The following ACSL3 variants were observed in gnomAD, a reference collection of about 807,000 sequenced individuals.
ACSL3 encodes fatty acid CoA ligase Acsl3.
A neutral mutation model predicts 84.7 loss-of-function variants in ACSL3; 34 were observed. The ratio of observed to expected loss-of-function variants is 0.40; its 90% CI spans 0.31 to 0.53. The LOEUF is 0.53. Ranked by LOEUF, ACSL3 falls within the 20% of genes least tolerant of loss-of-function variation. The probability of loss-of-function intolerance (pLI) is 0.48; values close to 1 mark genes in which losing one functional copy is unlikely to be tolerated. For synonymous variants in ACSL3, 315 were observed against 299.4 expected (o/e 1.05, Z -0.54); for missense variants, 680 against 873.1 (o/e 0.78, Z 2.79).
In ACSL3 at chr2:222,899,570, G is replaced by A. The variant is rs533670970; in HGVS notation, c.-147-1104G>A. ...TGAAGGGAAGGTTCTCGGATCTTGC[G>A]CAAGAAAGAATTCAGGGCGAGTCCA... is the stretch of plus-strand genomic sequence containing the variant. On this transcript the variant is annotated intron_variant, in intron 2 of 16. Transcript: ENST00000357430. Among the ~76,000 whole-genome samples, 67 of 152,266 alleles carry A rather than the reference G, an allele frequency of 4.4e-4. No homozygotes were observed. In the South Asian group the frequency reaches 8.3e-3, roughly 19 times the overall value.
At chr2:222,932,435 TCTC>T (rs1697056708) in intron 14 of ACSL3, among the ~76,000 whole-genome samples, 1 of 152,182 alleles carries the variant, frequency 6.6e-6, no homozygotes, top group Non-Finnish European at 1.5e-5. Context: ...TTCACGCAAT[TCTC>T]CTGCCTCAGC....
chr2:222,940,914 T>TA (rs927089758), intron 16 of ACSL3, among the ~76,000 whole-genome samples: 1 of 151,628 alleles, frequency 6.6e-6, no homozygotes, highest in African/African-American at 2.4e-5. Flanking sequence ...TTTTTTTTTT[T>TA]AAATGAGATG....
intron 1 of ACSL3, among the ~76,000 whole-genome samples, chr2:222,879,389 A>G (rs1695534685): frequency 6.6e-6 from 1 of 151,466 alleles, no homozygotes; most frequent in African/African-American, 2.4e-5. Context: ...GCTATCTACA[A>G]CATTTTCATT....
Position 222,919,099 on chromosome 2 carries a change from C to T in ACSL3, c.702C>T (p.Ile234=). 6.2e-7 allele frequency: 1 copy of T among 1,614,160 alleles called. No homozygotes were observed. Among genetic ancestry groups the T allele is most frequent in the Non-Finnish European group, 8.5e-7 (1 of 1,180,016 alleles). The stretch of plus-strand genomic sequence containing the variant: ...CTTTGGTCCCACGCCTGCGGCACAT[C>T]ATCACTGTTGATGGAAAGCCACCGA... The part of the protein sequence containing the change: ...IVSLVPRLRH[I]ITVDGKPPTW... The change falls in exon 7 of 17, where the codon ATC becomes ATT. Residue 234 remains isoleucine (I), a synonymous_variant. Transcript: ENST00000357430.
chr2:222,910,636 T>C (rs919286390), intron 4 of ACSL3, among the ~76,000 whole-genome samples: 3 of 152,228 alleles, frequency 2.0e-5, no homozygotes, highest in Non-Finnish European at 4.4e-5. Context: ...AGCAAGTTGA[T>C]GTCAGTAATT....
At chr2:222,882,949 A>G (rs905171347) in intron 1 of ACSL3, among the ~76,000 whole-genome samples, 2 of 147,194 alleles carry the variant, frequency 1.4e-5, no homozygotes, top group Non-Finnish European at 3.0e-5. Context: ...TGGTATTTTT[A>G]GTAGCAATGG....
At chr2:222,894,043 G>A (rs1430987265) in intron 2 of ACSL3, among the ~76,000 whole-genome samples, 1 of 152,090 alleles carries the variant, frequency 6.6e-6, no homozygotes, top group Non-Finnish European at 1.5e-5. Context: ...TTGAAAAATT[G>A]GGAGTTGTTA....
At chr2:222,924,650 G>A (rs1696827925) in intron 11 of ACSL3, 55 bp downstream of exon 11, 1 of 1,469,668 alleles carries the variant, frequency 6.8e-7, no homozygotes, top group African/African-American at 1.5e-5. Flanking sequence ...TAATCATTTA[G>A]TTCACATTAA....
intron 15 of ACSL3, 65 bp from the exon 16 acceptor site, chr2:222,934,465 A>G (rs543763361): frequency 7.7e-7 from 1 of 1,304,846 alleles, no homozygotes; most frequent in African/African-American, 1.5e-5. Flanking sequence ...TGTCACTGTA[A>G]TAATAACTGC....
At chr2:222,888,776 T>G (rs1695777842) in intron 2 of ACSL3, among the ~76,000 whole-genome samples, 1 of 152,246 alleles carries the variant, frequency 6.6e-6, no homozygotes. Flanking sequence ...CCAGACGCTT[T>G]GTTTGCGACG....
intron 7 of ACSL3, chr2:222,921,012 T>A (rs971736595): frequency 3.6e-6 from 2 of 561,312 alleles, no homozygotes; most frequent in Non-Finnish European, 7.0e-6. Context: ...GGCTTTTCCA[T>A]CCAAATAGCA....
chr2:222,916,667 T>C (rs867722158), intron 5 of ACSL3, 171 bp downstream of exon 5: 1 of 661,972 alleles, frequency 1.5e-6, no homozygotes, highest in South Asian at 3.0e-5. Context: ...AAATCAATTA[T>C]ATGACAAATT....
intron 3 of ACSL3, among the ~76,000 whole-genome samples, chr2:222,905,357 T>C (rs1307732267): frequency 6.6e-6 from 1 of 152,154 alleles, no homozygotes; most frequent in African/African-American, 2.4e-5. Flanking sequence ...GATGAGGTTT[T>C]ACTATATTGC....
chr2:222,935,620 T>C (rs1399405045), intron 16 of ACSL3, among the ~76,000 whole-genome samples: 2 of 152,194 alleles, frequency 1.3e-5, no homozygotes, highest in Non-Finnish European at 2.9e-5. Flanking sequence ...TGTATATTCC[T>C]TTGGAAACCA....
intron 14 of ACSL3, among the ~76,000 whole-genome samples, chr2:222,932,199 G>A (rs540127457): frequency 6.6e-6 from 1 of 152,228 alleles, no homozygotes; most frequent in Non-Finnish European, 1.5e-5. Context: ...CAGATAGGTT[G>A]TGAACTTGCA....
chr2:222,909,119 A>AAGT lies in ACSL3; in HGVS notation c.349_351dup (p.Val117dup). 6.3e-7 allele frequency: 1 copy of AAGT among 1,597,292 alleles called. No individual in the cohort carries two copies. The highest frequency in any genetic ancestry group is 8.5e-7 in the Non-Finnish European group (1 of 1,176,354). On this transcript the variant is annotated inframe_insertion, in exon 4 of 17. Coordinates refer to ENST00000357430, the MANE Select transcript of ACSL3 (RefSeq NM_004457.5). ...CGTGAAGTTTTAAATGAGGAAGATG[A>AAGT]AGTACAACCAAATGGAAAAATTTTT...
intron 7 of ACSL3, chr2:222,920,835 C>A (rs1035522968): frequency 4.2e-5 from 16 of 378,258 alleles, no homozygotes; most frequent in South Asian, 1.3e-4. Context: ...CAGCCACACT[C>A]CTTGCTGGTC....
intron 13 of ACSL3, among the ~76,000 whole-genome samples, chr2:222,929,198 A>T (rs3768979): frequency 0.31 from 47,660 of 152,166 alleles, 7,715 homozygotes; most frequent in Admixed American, 0.41. Flanking sequence ...AAATGTACTA[A>T]TAAGTGAATA....
chr2:222,927,239 TG>T (rs752548550), intron 12 of ACSL3, 50 bp downstream of exon 12: 2 of 1,585,934 alleles, frequency 1.3e-6, no homozygotes, highest in Admixed American at 3.4e-5. Flanking sequence ...GACGTTTTTT[TG>T]GGGTATGGGA....
Sources: allele counts gnomAD v4.1 joint callset (sites outside exome capture counted in the v4.1 genomes callset), GRCh38; gene constraint gnomAD v4.1.1; transcripts MANE v1.5; gene names NCBI Gene and HGNC (gene_info 2026-07-23, HGNC 2026-07-21).